Variants in ZCCHC24 observed in about 807,000 individuals in gnomAD.
ZCCHC24 encodes the protein zinc finger CCHC domain-containing protein 24.
Under a neutral mutation model 26.2 loss-of-function variants are expected in ZCCHC24, and 10 were observed. The ratio of observed to expected loss-of-function variants is 0.38; its 90% CI spans 0.24 to 0.65. The LOEUF (loss-of-function observed/expected upper bound fraction) is 0.65. Among genes scored for constraint, ZCCHC24 ranks in the 30% least tolerant of loss-of-function variants. The pLI is 0.54. For missense variants in ZCCHC24, 243 were observed against 329.1 expected (o/e 0.74, Z 2.03); for synonymous variants, 144 against 147.1 (o/e 0.98, Z 0.15).
chr10:79,414,202 C>A (rs898462870), intron 2 of ZCCHC24, among the ~76,000 whole-genome samples: 1 of 152,242 alleles, frequency 6.6e-6, no homozygotes, highest in Admixed American at 6.5e-5. Flanking sequence ...AATGACAGGT[C>A]ACAGAGTTGC....
intron 2 of ZCCHC24, among the ~76,000 whole-genome samples, chr10:79,419,068 T>A (rs537102925): frequency 3.5e-4 from 53 of 152,300 alleles, no homozygotes; most frequent in African/African-American, 1.2e-3. Context: ...CGTGCATGCA[T>A]GAAATTAAGC....
rs139720489 is a variant in ZCCHC24, at chr10:79,397,847, C to T, written c.448-3407G>A. ...TTCCAGGACACTGGGCAGAGTGAAG[C>T]GTGGGGACTGGGGCCAGACTGGAGG... On this transcript the variant is annotated intron_variant, in intron 2 of 3. Transcript: ENST00000372336. Among the ~76,000 whole-genome samples, 320 of 152,180 alleles carry T rather than the reference C, an allele frequency of 2.1e-3. 2 individuals carry two copies. The highest frequency in any genetic ancestry group is 7.3e-3 in the African/African-American group (305 of 41,522).
intron 2 of ZCCHC24, among the ~76,000 whole-genome samples, chr10:79,407,625 ACAGTCTGTTAAAGTC>A (rs1856737046): frequency 6.6e-6 from 1 of 152,192 alleles, no homozygotes; most frequent in African/African-American, 2.4e-5. Flanking sequence ...GATCCTGGTC[ACAGTCTGTTAAAGTC>A]CAGTCAGATA....
chr10:79,386,894 C>T (rs564483044), intron 3 of ZCCHC24, among the ~76,000 whole-genome samples: 35 of 152,288 alleles, frequency 2.3e-4, no homozygotes, highest in Admixed American at 8.5e-4. Context: ...AGGCAGGACA[C>T]GGGTGCAGCC....
chr10:79,431,358 T>C (rs1857124840), intron 2 of ZCCHC24, among the ~76,000 whole-genome samples: 2 of 152,134 alleles, frequency 1.3e-5, no homozygotes. Context: ...ACTGTGTATA[T>C]TGAGGGGGAG....
intron 2 of ZCCHC24, among the ~76,000 whole-genome samples, chr10:79,425,470 C>A (rs1857013558): frequency 6.6e-6 from 1 of 152,202 alleles, no homozygotes; most frequent in Admixed American, 6.5e-5. Context: ...AGTCATCTAT[C>A]TTTTTAAAGA....
At chr10:79,394,615 A>G in intron 2 of ZCCHC24, 175 bp from the exon 3 acceptor site, 1 of 985,466 alleles carries the variant, frequency 1.0e-6, no homozygotes, top group Non-Finnish European at 1.2e-6. Flanking sequence ...CGGGAATCCG[A>G]AGGCTGGGAG....
chr10:79,412,088 AG>A lies in ZCCHC24; in HGVS notation c.448-17649del, dbSNP rs1457118998. Among the ~76,000 whole-genome samples, 5 of 152,218 alleles carry A rather than the reference AG, an allele frequency of 3.3e-5. No individual in the cohort carries two copies. The South Asian group carries it at 6.2e-4, about 19-fold the overall frequency. On this transcript the variant is annotated intron_variant, in intron 2 of 3. Coordinates refer to ENST00000372336, the MANE Select transcript of ZCCHC24 (RefSeq NM_153367.4). ...CAAGGACTTCCTGCTACGCCTCCAC[AG>A]GGGGCATTGAGCCTGTGCCCTGAAC...
At chr10:79,389,529 A>AGTGTGTGTGTGTGTGTGTGTGT (rs5786399) in intron 3 of ZCCHC24, among the ~76,000 whole-genome samples, 14 of 146,228 alleles carry the variant, frequency 9.6e-5, no homozygotes, top group African/African-American at 3.3e-4. Flanking sequence ...ACTTTTTCCT[A>AGTGTGTGTGTGTGTGTGTGTGT]GTGTGTGTGT....
chr10:79,411,721 G>A (rs1332013357), intron 2 of ZCCHC24, among the ~76,000 whole-genome samples: 2 of 152,150 alleles, frequency 1.3e-5, no homozygotes, highest in Non-Finnish European at 2.9e-5. Flanking sequence ...AGGCCTCCTG[G>A]GATCCCAGGC....
chr10:79,436,753 G>A (rs946134990), intron 1 of ZCCHC24, among the ~76,000 whole-genome samples: 1 of 152,236 alleles, frequency 6.6e-6, no homozygotes, highest in Non-Finnish European at 1.5e-5. Flanking sequence ...TCCATGGGCC[G>A]AGTGGAGGGG....
At chr10:79,414,792 G>T (rs1331107847) in intron 2 of ZCCHC24, among the ~76,000 whole-genome samples, 1 of 152,118 alleles carries the variant, frequency 6.6e-6, no homozygotes, top group Non-Finnish European at 1.5e-5. Flanking sequence ...CAAATTTCTA[G>T]CACCAAAAAC....
intron 3 of ZCCHC24, among the ~76,000 whole-genome samples, chr10:79,388,582 T>C (rs546639455): frequency 6.6e-6 from 1 of 152,188 alleles, no homozygotes; most frequent in African/African-American, 2.4e-5. Context: ...TCGTGAAGTG[T>C]CCCCTCCAGC....
chr10:79,425,459 C>T (rs1419083893), intron 2 of ZCCHC24, among the ~76,000 whole-genome samples: 2 of 152,200 alleles, frequency 1.3e-5, no homozygotes, highest in Non-Finnish European at 2.9e-5. Context: ...TCTCTACTTC[C>T]AGTCATCTAT....
At chr10:79,441,790 G>C (rs7915458) in intron 1 of ZCCHC24, among the ~76,000 whole-genome samples, 91,168 of 152,010 alleles carry the variant, frequency 0.6, 27,691 homozygotes, top group African/African-American at 0.7. Context: ...TTCCAGCTAC[G>C]TCTGTCCCTG....
At chr10:79,398,843 C>T (rs1264311646) in intron 2 of ZCCHC24, among the ~76,000 whole-genome samples, 1 of 152,148 alleles carries the variant, frequency 6.6e-6, no homozygotes, top group Non-Finnish European at 1.5e-5. Flanking sequence ...GGGCAGGGGA[C>T]ATTATCAACC....
intron 3 of ZCCHC24, among the ~76,000 whole-genome samples, chr10:79,389,560 G>GTGTGTGTGTGTGTC (rs946133340): frequency 2.0e-5 from 3 of 151,672 alleles, no homozygotes; most frequent in African/African-American, 7.3e-5. Flanking sequence ...GTGTGTGTGT[G>GTGTGTGTGTGTGTC]TGTGTGTCTG....
In ZCCHC24 at chr10:79,385,853, G is replaced by T; in HGVS notation, c.*492C>A. The T allele has an allele frequency of 3.6e-6, 1 of 274,390 alleles. No individual in the cohort carries two copies. The allele number at this position is 274,390 out of a possible 1,614,324, so 17.0% of individuals were successfully genotyped here. A position where few individuals can be genotyped will look rare whatever the true frequency, so the allele number is the denominator to read the frequency against. Reference sequence around the variant, plus strand: ...CCGCTGTTGGAACACATGTCCCCTTGCCACGATTGCTGACTCAGGAAAGAG... The same window carrying T: ...CCGCTGTTGGAACACATGTCCCCTTTCCACGATTGCTGACTCAGGAAAGAG... On this transcript the variant is annotated 3_prime_UTR_variant, in exon 4 of 4. Coordinates refer to ENST00000372336, the MANE Select transcript of ZCCHC24 (RefSeq NM_153367.4). The surrounding 1 kb of genome is among the most constrained non-coding windows in gnomAD (Gnocchi z 4.3).
rs575117779 is a variant in ZCCHC24 at position 79,384,280 on chromosome 10, C to T, written c.*2065G>A. On this transcript the variant is annotated 3_prime_UTR_variant, in exon 4 of 4. Transcript: ENST00000372336. ...GCCTGGGTTAGTTTTAGGGTGTGGGCCCCCCACCTTTGCAGCACAGCTGGC... is the reference window on the plus strand; with the variant it reads ...GCCTGGGTTAGTTTTAGGGTGTGGGTCCCCCACCTTTGCAGCACAGCTGGC... 6.6e-6 allele frequency: 1 copy of T among 152,494 alleles called. No individual in the cohort carries two copies. Among genetic ancestry groups the T allele is most frequent in the East Asian group, 1.9e-4 (1 of 5,262 alleles). The allele number at this position is 152,494 out of a possible 1,614,324, so 9.4% of individuals were successfully genotyped here. A position where few individuals can be genotyped will look rare whatever the true frequency, so the allele number is the denominator to read the frequency against.
Sources: gnomAD v4.1 joint callset for allele counts (sites outside exome capture counted in the v4.1 genomes callset) on GRCh38, gnomAD v4.1.1 for gene constraint, Gnocchi (gnomAD v3.1) non-coding constraint, MANE v1.5 for transcripts, NCBI Gene and HGNC (gene_info 2026-07-23, HGNC 2026-07-21) for gene names.